The following TDP1 variants were observed in gnomAD, a reference collection of about 807,000 sequenced individuals.
The protein encoded by TDP1 is tyr-DNA phosphodiesterase 1.
Under a neutral mutation model 81.5 loss-of-function variants are expected in TDP1, and 64 were observed. The ratio of observed to expected loss-of-function variants is 0.79; its 90% CI spans 0.64 to 0.97. TDP1 has a LOEUF of 0.97. TDP1 is among the 50% of genes least tolerant of loss of function. The probability of loss-of-function intolerance (pLI) is 0.00; values close to 1 mark genes in which losing one functional copy is unlikely to be tolerated. For missense variants in TDP1, 723 were observed against 743.8 expected, an observed-to-expected ratio of 0.97 and a Z score of 0.33; for synonymous variants, 256 against 264.3, an observed-to-expected ratio of 0.97 and a Z score of 0.30.
chr14:90,033,273 C>A, intron 16 of TDP1, 59 bp downstream of exon 16: 1 of 987,948 alleles, frequency 1.0e-6, no homozygotes. Flanking sequence ...CAAACAGAGC[C>A]CAGGAGAAGC....
Position 89,984,606 on chromosome 14 carries a change from T to C in TDP1, c.975T>C (p.Ser325=). Residue 325 remains serine (S), a synonymous_variant, in exon 9 of 17, where the codon AGT becomes AGC. Transcript: ENST00000335725. ...SPTHFKADLI[S]YLMAYNAPSL... ...CACATTTTAAAGCTGATCTCATCAGTTACTTGATGGCTTATAATGCCCCTT... is the reference window on the plus strand; with the variant it reads ...CACATTTTAAAGCTGATCTCATCAGCTACTTGATGGCTTATAATGCCCCTT... 3 of 1,614,086 alleles carry C rather than the reference T, an allele frequency of 1.9e-6. No homozygotes were observed. Among genetic ancestry groups the C allele is most frequent in the Non-Finnish European group, 2.5e-6 (3 of 1,179,950 alleles).
chr14:90,014,729 C>T (rs1885113934), intron 14 of TDP1, among the ~76,000 whole-genome samples: 2 of 152,128 alleles, frequency 1.3e-5, no homozygotes, highest in Admixed American at 6.5e-5. Context: ...ACAGCAGTCA[C>T]CCTTGGGGAC....
chr14:89,998,477 T>C (rs1189447270), intron 14 of TDP1, among the ~76,000 whole-genome samples: 2 of 146,618 alleles, frequency 1.4e-5, no homozygotes, highest in African/African-American at 5.1e-5. Flanking sequence ...TATTAATTCA[T>C]GTAATTCTTA....
At position 89,963,428 on chromosome 14, in the gene TDP1, C is replaced by T. The variant is rs757612085; in HGVS notation, c.314C>T (p.Ala105Val). 1 of 1,614,008 alleles carries T rather than the reference C, an allele frequency of 6.2e-7. No homozygotes were observed. The highest frequency in any genetic ancestry group is 8.5e-7 in the Non-Finnish European group (1 of 1,179,924). Residue 105 changes from alanine to valine, a missense_variant, in exon 3 of 17, where the codon GCT becomes GTT. Transcript: ENST00000335725. ...ELQPEMPQKQAEKVVIKKEKD... is the reference protein window; with the variant it reads ...ELQPEMPQKQVEKVVIKKEKD... ...CAACCAGAAATGCCGCAGAAGCAGG[C>T]TGAGAAAGTGGTGATCAAAAAGGAG... is the stretch of plus-strand genomic sequence containing the variant.
At chr14:89,991,451 T>C (rs746795824) in intron 12 of TDP1, 7 of 608,458 alleles carry the variant, frequency 1.2e-5, no homozygotes, top group Non-Finnish European at 1.4e-5. Context: ...ATGAGGTAAT[T>C]TACTTTTATT....
chr14:89,992,063 TTA>T, intron 13 of TDP1, 80 bp downstream of exon 13: 2 of 1,225,374 alleles, frequency 1.6e-6, no homozygotes, highest in Non-Finnish European at 2.4e-6. Context: ...GTTTTTTTTT[TTA>T]AAAGGAACTT....
chr14:89,991,897 TTTTA>T lies in TDP1; in HGVS notation c.1367-16_1367-13del. 6.2e-7 allele frequency: 1 copy of T among 1,600,178 alleles called. No individual in the cohort carries two copies. Among genetic ancestry groups the T allele is most frequent in the Non-Finnish European group, 8.5e-7 (1 of 1,173,724 alleles). On this transcript the variant is annotated splice_polypyrimidine_tract_variant and intron_variant, in intron 12 of 16. Transcript: ENST00000335725. ...AAATTATATTTCATAATTTTTATTG[TTTTA>T]TTTTTCTTTTAAAAGCTGGGGGCTC...
chr14:89,960,333 A>C (rs1892179892), intron 2 of TDP1, among the ~76,000 whole-genome samples: 4 of 152,110 alleles, frequency 2.6e-5, no homozygotes, highest in African/African-American at 9.7e-5. Flanking sequence ...TGAGCTGCTT[A>C]AGTAGGTGTT....
chr14:89,966,992 A>G, intron 4 of TDP1: 3 of 985,222 alleles, frequency 3.0e-6, no homozygotes, highest in Non-Finnish European at 3.6e-6. Context: ...TGTCTCCAGT[A>G]TCTGTCTTTT....
rs143446933 is a variant in TDP1 at position 90,043,106 on chromosome 14, C to T, written c.1790C>T (p.Ala597Val). The change falls in exon 17 of 17, where the codon GCA (alanine) becomes GTA (valine). Residue 597 changes from alanine (A) to valine (V), a missense_variant. Ala to Val is a moderately conservative substitution (Grantham distance 64). Coordinates refer to ENST00000335725, the MANE Select transcript of TDP1 (RefSeq NM_018319.4). ...ATATGGAACATTCCTTATGTCAAAG[C>T]ACCGGATACGCATGGGAACATGTGG... Reference protein sequence around the residue: ...PWIWNIPYVKAPDTHGNMWVP... With the variant: ...PWIWNIPYVKVPDTHGNMWVP... 40 of 1,614,056 alleles carry T rather than the reference C, an allele frequency of 2.5e-5. No homozygotes were observed. In the African/African-American group the frequency reaches 4.7e-4, roughly 19 times the overall value.
intron 16 of TDP1, among the ~76,000 whole-genome samples, chr14:90,038,014 G>A (rs1185910250): frequency 6.6e-6 from 1 of 152,132 alleles, no homozygotes; most frequent in Non-Finnish European, 1.5e-5. Context: ...TTAGACCCGG[G>A]TTATGTACTT....
Position 90,005,533 on chromosome 14 carries a change from A to G in TDP1, c.1541+12050A>G, listed in dbSNP as rs975653423. Among the ~76,000 whole-genome samples the G allele has an allele frequency of 1.1e-4, 17 of 152,250 alleles. 1 individual carries two copies. Among genetic ancestry groups the G allele is most frequent in the Non-Finnish European group, 1.5e-5 (1 of 68,050 alleles). On this transcript the variant is annotated intron_variant, in intron 14 of 16. Coordinates refer to ENST00000335725, the MANE Select transcript of TDP1 (RefSeq NM_018319.4). ...ACCTTTGTGAGGTGCATTAAAATTT[A>G]CTAAGCACTTGCACCTAGATTATTT... is the stretch of plus-strand genomic sequence containing the variant.
chr14:89,973,566 C>G (rs1187383917), intron 6 of TDP1, among the ~76,000 whole-genome samples: 3 of 152,156 alleles, frequency 2.0e-5, no homozygotes, highest in Non-Finnish European at 4.4e-5. Context: ...CTTTTTCTAG[C>G]AACGTGAGTC....
intron 6 of TDP1, chr14:89,975,395 A>G: frequency 4.1e-6 from 4 of 985,338 alleles, no homozygotes; most frequent in Non-Finnish European, 4.8e-6. Flanking sequence ...TCTTTTAAAT[A>G]TGCTCTGAAA....
intron 12 of TDP1, among the ~76,000 whole-genome samples, chr14:89,990,547 CT>C (rs34248681): frequency 0.031 from 3,125 of 102,348 alleles, 103 homozygotes; most frequent in African/African-American, 0.098. Flanking sequence ...TGTATTAGCC[CT>C]TTTTTTTTTT....
chr14:89,965,270 T>A (rs891781553), intron 3 of TDP1, among the ~76,000 whole-genome samples: 6 of 151,912 alleles, frequency 3.9e-5, no homozygotes, highest in Admixed American at 3.3e-4. Flanking sequence ...AATGAGCCAG[T>A]CTTAATTCTC....
Position 89,971,284 on chromosome 14 carries a change from C to T in TDP1, c.756+13C>T, listed in dbSNP as rs760677671. 2.5e-6 allele frequency: 4 copies of T among 1,606,654 alleles called. No homozygotes were observed. Among genetic ancestry groups the T allele is most frequent in the Non-Finnish European group, 8.5e-7 (1 of 1,173,168 alleles). ...CTCTCTCTGCCAGGTAAGCCACTTA[C>T]TGCCGTTGGAGAGCACGCGTAGTCT... On this transcript the variant is annotated intron_variant, in intron 6 of 16. Coordinates refer to ENST00000335725, the MANE Select transcript of TDP1 (RefSeq NM_018319.4).
At chr14:90,007,321 G>GC (rs1238908167) in intron 14 of TDP1, among the ~76,000 whole-genome samples, 1 of 152,026 alleles carries the variant, frequency 6.6e-6, no homozygotes, top group Admixed American at 6.6e-5. Context: ...GGCTCACACT[G>GC]CCCATACCTG....
intron 5 of TDP1, among the ~76,000 whole-genome samples, chr14:89,969,294 C>T (rs1893309969): frequency 1.3e-5 from 2 of 152,166 alleles, no homozygotes; most frequent in Non-Finnish European, 2.9e-5. Context: ...CCTGCATCCC[C>T]TTATTGCCAA....
Sources: gnomAD v4.1 joint callset for allele counts (sites outside exome capture counted in the v4.1 genomes callset) on GRCh38, gnomAD v4.1.1 for gene constraint, MANE v1.5 for transcripts, NCBI Gene and HGNC (gene_info 2026-07-23, HGNC 2026-07-21) for gene names.